PKD1L1: variants seen among roughly 807,000 people sequenced by gnomAD.
PKD1L1 encodes polycystin 1 like 1, transient receptor potential channel interacting, also known as polycystin-1-like protein 1.
PKD1L1 carries 236 observed loss-of-function variants against 323.4 expected under a neutral mutation model. The ratio of observed to expected loss-of-function variants is 0.73; its 90% CI spans 0.66 to 0.81. The LOEUF is 0.81. Ranked by LOEUF, PKD1L1 falls within the 40% of genes least tolerant of loss-of-function variation. The probability of loss-of-function intolerance (pLI) is 0.00; values close to 1 mark genes in which losing one functional copy is unlikely to be tolerated. For synonymous variants in PKD1L1, 1,344 were observed against 1,335.0 expected (o/e 1.01, Z -0.15); for missense variants, 3,320 against 3,508.0 (o/e 0.95, Z 1.35).
At position 47,905,290 on chromosome 7, in the gene PKD1L1, T is replaced by C. The variant is rs1787179811; in HGVS notation, c.1558A>G (p.Thr520Ala). Reference sequence around the variant, plus strand: ...GCTGTAAATGTAATGTCTGTGTCTGTGGCAAACACAGTTCCATTTGTGTAG... The same window carrying C: ...GCTGTAAATGTAATGTCTGTGTCTGCGGCAAACACAGTTCCATTTGTGTAG... The part of the protein sequence containing the change: ...SVYTNGTVFA[T>A]DTDITFTAVT... The change falls in exon 11 of 57, where the codon ACA becomes GCA. Residue 520 changes from threonine to alanine, a missense_variant. Physicochemically the swap from Thr to Ala is moderately conservative, Grantham distance 58 (BLOSUM62 0). Coordinates refer to ENST00000289672, the MANE Select transcript of PKD1L1 (RefSeq NM_138295.5). The C allele has an allele frequency of 1.2e-6, 2 of 1,614,150 alleles. No individual in the cohort carries two copies. Among genetic ancestry groups the C allele is most frequent in the Non-Finnish European group, 1.7e-6 (2 of 1,180,016 alleles).
At chr7:47,886,978 A>G (rs931252096) in intron 17 of PKD1L1, among the ~76,000 whole-genome samples, 20 of 152,188 alleles carry the variant, frequency 1.3e-4, no homozygotes, top group Non-Finnish European at 5.9e-5. Context: ...ACTTGCAACC[A>G]TGGGAGAGCC....
At chr7:47,882,736 C>T (rs976729706) in intron 19 of PKD1L1, among the ~76,000 whole-genome samples, 5 of 152,148 alleles carry the variant, frequency 3.3e-5, no homozygotes, top group Admixed American at 1.3e-4. Flanking sequence ...GGAGGCATTG[C>T]CAGGGTCACA....
rs761376743 is a variant in PKD1L1 at position 47,834,311 on chromosome 7, T to C, written c.6174+28A>G. On this transcript the variant is annotated intron_variant, in intron 40 of 56. Coordinates refer to ENST00000289672, the MANE Select transcript of PKD1L1 (RefSeq NM_138295.5). The stretch of plus-strand genomic sequence containing the variant: ...TTGTTTGCATTTCATGCTAGAAGAT[T>C]AGCTGCTGCGCATAATGATTGATTT... The C allele has an allele frequency of 4.8e-5, 77 of 1,607,570 alleles. No individual in the cohort carries two copies. In the East Asian group the frequency reaches 1.6e-3, roughly 34 times the overall value.
intron 13 of PKD1L1, among the ~76,000 whole-genome samples, chr7:47,898,737 G>A (rs540191528): frequency 2.0e-5 from 3 of 151,650 alleles, no homozygotes; most frequent in African/African-American, 7.3e-5. Context: ...AAAAACTAAG[G>A]GAATTTTCCT....
chr7:47,923,840 A>G (rs1461995671), intron 7 of PKD1L1, among the ~76,000 whole-genome samples: 1 of 152,176 alleles, frequency 6.6e-6, no homozygotes, highest in East Asian at 1.9e-4. Context: ...TCAATAAGAT[A>G]TTGGCTAATA....
At chr7:47,817,476 T>TA (rs1389385874) in intron 46 of PKD1L1, among the ~76,000 whole-genome samples, 1 of 152,092 alleles carries the variant, frequency 6.6e-6, no homozygotes, top group Non-Finnish European at 1.5e-5. Flanking sequence ...TGGACAATAT[T>TA]AAAAAAATCA....
rs1003902611 is a variant in PKD1L1 at position 47,931,102 on chromosome 7, A to G, written c.737+2T>C. On this transcript the variant is annotated splice_donor_variant, in intron 6 of 56. Coordinates refer to ENST00000289672, the MANE Select transcript of PKD1L1 (RefSeq NM_138295.5). LOFTEE classifies it high-confidence loss of function. Reference sequence around the variant, plus strand: ...CTGGCCTCCATACCTCCTTCACCGTACCTTCTGGGAGAAGTGGGAAAATGT... The same window carrying G: ...CTGGCCTCCATACCTCCTTCACCGTGCCTTCTGGGAGAAGTGGGAAAATGT... 1.9e-6 allele frequency: 3 copies of G among 1,613,368 alleles called. No individual in the cohort carries two copies. In the African/African-American group the frequency reaches 4.0e-5, roughly 22 times the overall value.
chr7:47,795,711 G>T (rs1784509526), intron 55 of PKD1L1, among the ~76,000 whole-genome samples: 1 of 152,138 alleles, frequency 6.6e-6, no homozygotes, highest in South Asian at 2.1e-4. Flanking sequence ...TGTGTCCTGG[G>T]GAAGACCATA....
chr7:47,923,553 C>CA (rs1044936650), intron 7 of PKD1L1, among the ~76,000 whole-genome samples: 31 of 151,616 alleles, frequency 2.0e-4, no homozygotes, highest in African/African-American at 7.3e-4. Context: ...TTAAAAAAAA[C>CA]AAAAAACACT....
intron 56 of PKD1L1, among the ~76,000 whole-genome samples, chr7:47,778,718 A>G (rs890032284): frequency 1.3e-5 from 2 of 152,224 alleles, no homozygotes; most frequent in African/African-American, 4.8e-5. Flanking sequence ...TCATCTTTGT[A>G]TGAGTTTCTT....
At chr7:47,922,804 C>G (rs556540049) in intron 7 of PKD1L1, among the ~76,000 whole-genome samples, 33 of 151,994 alleles carry the variant, frequency 2.2e-4, no homozygotes, top group African/African-American at 7.7e-4. Flanking sequence ...GTGGGGAGCC[C>G]CTCTGCCCGG....
At chr7:47,914,669 T>C (rs1257973587) in intron 8 of PKD1L1, among the ~76,000 whole-genome samples, 1 of 152,158 alleles carries the variant, frequency 6.6e-6, no homozygotes, top group East Asian at 1.9e-4. Flanking sequence ...TCTTACCCAA[T>C]GTTTGCCTCT....
chr7:47,918,436 A>G (rs1787472054), intron 7 of PKD1L1, among the ~76,000 whole-genome samples: 1 of 151,760 alleles, frequency 6.6e-6, no homozygotes, highest in Non-Finnish European at 1.5e-5. Context: ...CTCCACTGAC[A>G]GCACTAGACA....
intron 56 of PKD1L1, among the ~76,000 whole-genome samples, chr7:47,780,271 C>T (rs1012004908): frequency 2.0e-5 from 3 of 152,100 alleles, no homozygotes; most frequent in African/African-American, 4.8e-5. Flanking sequence ...CCTTCCTCAC[C>T]GTCTTTTCAT....
rs1051540096 is a variant in PKD1L1, at chr7:47,786,005, G to A, written c.8526+6622C>T. On this transcript the variant is annotated intron_variant, in intron 56 of 56. Coordinates refer to ENST00000289672, the MANE Select transcript of PKD1L1 (RefSeq NM_138295.5). ...GATCCACCTGCCTCGGCCTCCCAAA[G>A]TTCTGGAATTACAGGTGTGAGGCAC... 5.9e-5 allele frequency among the ~76,000 whole-genome samples: 9 copies of A among 152,230 alleles called. No individual in the cohort carries two copies. The South Asian group carries it at 1.9e-3, about 32-fold the overall frequency.
chr7:47,779,477 C>G (rs984002537), intron 56 of PKD1L1, among the ~76,000 whole-genome samples: 1 of 152,188 alleles, frequency 6.6e-6, no homozygotes, highest in African/African-American at 2.4e-5. Context: ...TCAGGCTCAG[C>G]TCCTGTATCT....
At chr7:47,787,483 A>G (rs1786834501) in intron 56 of PKD1L1, among the ~76,000 whole-genome samples, 1 of 152,168 alleles carries the variant, frequency 6.6e-6, no homozygotes, top group Non-Finnish European at 1.5e-5. Context: ...CTCCACCATC[A>G]TTTGAGGGAA....
At chr7:47,836,461 A>G (rs1276630899) in intron 37 of PKD1L1, among the ~76,000 whole-genome samples, 1 of 152,232 alleles carries the variant, frequency 6.6e-6, no homozygotes, top group Non-Finnish European at 1.5e-5. Context: ...CTGATTTGGA[A>G]GTAATTTACT....
chr7:47,807,545 G>A (rs1276710598), intron 52 of PKD1L1, among the ~76,000 whole-genome samples: 1 of 152,144 alleles, frequency 6.6e-6, no homozygotes, highest in African/African-American at 2.4e-5. Context: ...AGGGGGTTAG[G>A]GAGGGGCTAG....
Sources: allele counts gnomAD v4.1 joint callset (sites outside exome capture counted in the v4.1 genomes callset), GRCh38; gene constraint gnomAD v4.1.1; transcripts MANE v1.5; gene names NCBI Gene and HGNC (gene_info 2026-07-23, HGNC 2026-07-21).